Variants in COL4A5 observed in about 807,000 individuals in gnomAD.
COL4A5 encodes collagen alpha-5(IV) chain.
COL4A5 carries 26 observed loss-of-function variants against 130.2 expected under a neutral mutation model. The ratio of observed to expected loss-of-function variants is 0.20; its 90% CI spans 0.15 to 0.28. The LOEUF (loss-of-function observed/expected upper bound fraction) is 0.28. Among genes scored for constraint, COL4A5 ranks in the 10% least tolerant of loss-of-function variants. The pLI is 1.00. For missense variants in COL4A5, 1,131 were observed against 1,344.3 expected (o/e 0.84, Z 2.48); for synonymous variants, 496 against 439.6 (o/e 1.13, Z -1.60).
intron 21 of COL4A5, among the ~76,000 whole-genome samples, chrX:108,591,995 TC>T (rs1308680416): frequency 2.7e-5 from 3 of 111,750 alleles, no homozygotes; most frequent in African/African-American, 9.8e-5. Context: ...CATTCATAAA[TC>T]CATGATTCCT....
At chrX:108,522,880 CT>C (rs746440433) in intron 1 of COL4A5, among the ~76,000 whole-genome samples, 6,479 of 95,008 alleles carry the variant, frequency 0.068, 615 homozygotes, top group African/African-American at 0.24. Context: ...AAAAAAATTA[CT>C]TTTTTTTTTT....
rs922406361 is a variant in COL4A5, at chrX:108,696,612, T to C, written c.*234T>C. The C allele has an allele frequency of 3.9e-6, 1 of 256,042 alleles. No homozygotes were observed. Among genetic ancestry groups the C allele is most frequent in the African/African-American group, 2.8e-5 (1 of 35,280 alleles). The allele number at this position is 256,042 out of a possible 1,213,427, so 21.1% of individuals were successfully genotyped here. On this transcript the variant is annotated 3_prime_UTR_variant, in exon 53 of 53. Coordinates refer to ENST00000328300, the MANE Select transcript of COL4A5 (RefSeq NM_033380.3). ...TAAAGAAATAAGGAAGTGAATTTAC[T>C]TTTTGGGTCCAGAATGACTTTCTCC...
At chrX:108,591,754 C>T (rs921150569) in intron 21 of COL4A5, 110 bp downstream of exon 21, 5 of 596,904 alleles carry the variant, frequency 8.4e-6, no homozygotes, top group Admixed American at 2.6e-5. Context: ...CATGGTCATA[C>T]CCCAAGACCA....
chrX:108,630,979 A>G (rs1364009073), intron 36 of COL4A5, among the ~76,000 whole-genome samples: 1 of 111,615 alleles, frequency 9.0e-6, no homozygotes, highest in Non-Finnish European at 1.9e-5. Flanking sequence ...GTGTGGTGTT[A>G]TCTCTGAGGC....
chrX:108,457,610 T>C (rs2064596846), intron 1 of COL4A5, among the ~76,000 whole-genome samples: 2 of 111,665 alleles, frequency 1.8e-5, no homozygotes, highest in South Asian at 7.5e-4. Context: ...TAAAATTCGC[T>C]ATCTTTGGTG....
intron 1 of COL4A5, among the ~76,000 whole-genome samples, chrX:108,454,799 C>T (rs938367473): frequency 2.7e-5 from 3 of 109,492 alleles, no homozygotes; most frequent in African/African-American, 6.7e-5. Flanking sequence ...ATGATTTTAT[C>T]GAGACAAGGT....
At chrX:108,573,791 T>C in intron 9 of COL4A5, 137 bp downstream of exon 9, 1 of 487,064 alleles carries the variant, frequency 2.1e-6, no homozygotes, top group South Asian at 3.1e-5. Flanking sequence ...ATGTACTTTC[T>C]ACCTGAAAAT....
At chrX:108,678,889 C>G (rs376366225) in intron 44 of COL4A5, among the ~76,000 whole-genome samples, 1 of 111,888 alleles carries the variant, frequency 8.9e-6, no homozygotes, top group Non-Finnish European at 1.9e-5. Context: ...ATCTCTTTAG[C>G]CTTCTTTAAT....
At chrX:108,523,395 C>T (rs1212191601) in intron 1 of COL4A5, among the ~76,000 whole-genome samples, 2 of 111,883 alleles carry the variant, frequency 1.8e-5, no homozygotes, top group African/African-American at 6.5e-5. Context: ...AAAATCTATT[C>T]ACCATAGATG....
At chrX:108,513,148 A>C (rs2065193565) in intron 1 of COL4A5, among the ~76,000 whole-genome samples, 2 of 111,698 alleles carry the variant, frequency 1.8e-5, no homozygotes, top group Non-Finnish European at 3.8e-5. Context: ...TGGGAGTGGA[A>C]TTGTTGAGTC....
intron 36 of COL4A5, among the ~76,000 whole-genome samples, chrX:108,647,175 A>G (rs1440692635): frequency 1.1e-4 from 12 of 110,771 alleles, no homozygotes; most frequent in African/African-American, 4.0e-4. Context: ...CTTGGGCAGT[A>G]TGGCCATTTT....
chrX:108,479,862 G>A (rs775010925), intron 1 of COL4A5, among the ~76,000 whole-genome samples: 1 of 111,814 alleles, frequency 8.9e-6, no homozygotes, highest in South Asian at 3.8e-4. Context: ...CCAAAGCCCA[G>A]TAACAGGCCA....
chrX:108,480,652 T>C (rs1391993261), intron 1 of COL4A5, among the ~76,000 whole-genome samples: 1 of 112,854 alleles, frequency 8.9e-6, no homozygotes, highest in Non-Finnish European at 1.9e-5. Context: ...GCCAAGTCAA[T>C]GGCTGCATAC....
intron 30 of COL4A5, 116 bp downstream of exon 30, chrX:108,615,140 A>G (rs1296629106): frequency 5.5e-6 from 3 of 542,273 alleles, no homozygotes; most frequent in Non-Finnish European, 6.5e-6. Flanking sequence ...AAGGCAATCT[A>G]TCTATGTGTA....
At chrX:108,534,998 T>C (rs942675036) in intron 1 of COL4A5, among the ~76,000 whole-genome samples, 2 of 110,873 alleles carry the variant, frequency 1.8e-5, no homozygotes, top group African/African-American at 6.5e-5. Flanking sequence ...TATTTCACAG[T>C]TTCCATGTTT....
intron 1 of COL4A5, among the ~76,000 whole-genome samples, chrX:108,480,594 A>C (rs1480931038): frequency 8.8e-6 from 1 of 113,062 alleles, no homozygotes; most frequent in African/African-American, 3.2e-5. Flanking sequence ...GCTGAAGGCA[A>C]ATTGCTTCGG....
chrX:108,692,390 G>A (rs756430932), intron 49 of COL4A5, among the ~76,000 whole-genome samples: 93 of 111,160 alleles, frequency 8.4e-4, no homozygotes, highest in African/African-American at 2.9e-3. Flanking sequence ...GCAGCCTGGA[G>A]CACGAAATAT....
chrX:108,466,885 C>A (rs1180372503), intron 1 of COL4A5, among the ~76,000 whole-genome samples: 5 of 111,067 alleles, frequency 4.5e-5, no homozygotes, highest in Non-Finnish European at 7.5e-5. Flanking sequence ...GGCCGTTTAT[C>A]TTTTTGTTGT....
At chrX:108,601,513 C>A in intron 26 of COL4A5, 28 bp downstream of exon 26, 66 of 811,586 alleles carry the variant, frequency 8.1e-5, no homozygotes, top group Non-Finnish European at 1.1e-4. Flanking sequence ...TTCAAAGTAA[C>A]TTCAACACCG....
Sources: allele counts gnomAD v4.1 joint callset (sites outside exome capture counted in the v4.1 genomes callset), GRCh38; gene constraint gnomAD v4.1.1; transcripts MANE v1.5; gene names NCBI Gene and HGNC (gene_info 2026-07-23, HGNC 2026-07-21).